The following ABLIM3 variants were observed in gnomAD, a reference collection of about 807,000 sequenced individuals.
ABLIM3 encodes actin binding LIM protein family member 3, also known as actin-binding LIM protein 3.
A neutral mutation model predicts 109.5 loss-of-function variants in ABLIM3; 61 were observed. The observed-to-expected ratio is 0.56, with a 90% CI of 0.45 to 0.69. The LOEUF is 0.69. ABLIM3 is among the 30% of genes least tolerant of loss of function. ABLIM3 has a pLI of 0.00. For synonymous variants in ABLIM3, 300 were observed against 324.8 expected (o/e 0.92, Z 0.82); for missense variants, 796 against 889.5 (o/e 0.89, Z 1.34).
intron 17 of ABLIM3, among the ~76,000 whole-genome samples, chr5:149,247,298 G>A (rs1277107443): frequency 1.3e-5 from 2 of 152,212 alleles, no homozygotes; most frequent in South Asian, 2.1e-4. Context: ...CACGGGGAGA[G>A]GGGAATGGGG....
intron 2 of ABLIM3, among the ~76,000 whole-genome samples, chr5:149,167,048 A>C (rs1754900845): frequency 6.6e-6 from 1 of 152,206 alleles, no homozygotes; most frequent in Admixed American, 6.5e-5. Context: ...AGCATTTACA[A>C]GCAACTTGCT....
rs573196071 is a variant in ABLIM3, at chr5:149,225,241, T to G, written c.758-5408T>G. Reference sequence around the variant, plus strand: ...TTCACAATGTTGTACAACCCCCACCTCTATCTAGTTCCAAATCATTTTCAT... The same window carrying G: ...TTCACAATGTTGTACAACCCCCACCGCTATCTAGTTCCAAATCATTTTCAT... On this transcript the variant is annotated intron_variant, in intron 8 of 23. Coordinates refer to ENST00000309868, the MANE Select transcript of ABLIM3 (RefSeq NM_014945.5). Among the ~76,000 whole-genome samples the G allele has an allele frequency of 2.5e-4, 38 of 151,504 alleles. No individual in the cohort carries two copies. The South Asian group carries it at 8.0e-3, about 32-fold the overall frequency.
intron 1 of ABLIM3, 23 bp from the exon 2 acceptor site, chr5:149,141,986 T>C: frequency 6.7e-7 from 1 of 1,495,712 alleles, no homozygotes; most frequent in Non-Finnish European, 9.3e-7. Flanking sequence ...GAGCTGGCAC[T>C]GGACTGCCTT....
At position 149,258,482 on chromosome 5, in the gene ABLIM3, C is replaced by G. The variant is rs1561646405; in HGVS notation, c.*78C>G. Reference sequence around the variant, plus strand: ...CTCTACTGAAGCTCGGTATAATCCTCTCTTGTGTAATGGGACACACTGCCT... The same window carrying G: ...CTCTACTGAAGCTCGGTATAATCCTGTCTTGTGTAATGGGACACACTGCCT... On this transcript the variant is annotated 3_prime_UTR_variant, in exon 24 of 24. Coordinates refer to ENST00000309868, the MANE Select transcript of ABLIM3 (RefSeq NM_014945.5). 1.3e-6 allele frequency: 2 copies of G among 1,483,090 alleles called. No individual in the cohort carries two copies. The highest frequency in any genetic ancestry group is 2.2e-5 in the Admixed American group (1 of 44,776). 91.9% of individuals were successfully genotyped at this position (1,483,090 alleles called of 1,614,324 possible).
intron 3 of ABLIM3, among the ~76,000 whole-genome samples, chr5:149,184,312 C>T (rs189229608): frequency 1.3e-3 from 199 of 152,302 alleles, no homozygotes; most frequent in Non-Finnish European, 2.4e-3. Context: ...CTTCCCTGCT[C>T]CACAGAGCAG....
intron 3 of ABLIM3, among the ~76,000 whole-genome samples, chr5:149,191,365 C>G (rs1010548726): frequency 2.6e-5 from 4 of 152,010 alleles, no homozygotes; most frequent in African/African-American, 9.7e-5. Context: ...AAATTAAAAC[C>G]TACTCAAGAA....
chr5:149,201,556 C>T (rs1030879017), intron 5 of ABLIM3, among the ~76,000 whole-genome samples: 5 of 152,170 alleles, frequency 3.3e-5, no homozygotes, highest in Non-Finnish European at 5.9e-5. Context: ...GGCTCCCTCC[C>T]TTGCCTGCTC....
At chr5:149,258,247 CTCTT>C (rs1471898740) in intron 23 of ABLIM3, 40 bp from the exon 24 acceptor site, 2 of 1,577,970 alleles carry the variant, frequency 1.3e-6, no homozygotes, top group Non-Finnish European at 1.7e-6. Context: ...TCATGCTGCT[CTCTT>C]TCTCTGTCCC....
chr5:149,247,519 A>C (rs1753496509), intron 17 of ABLIM3: 7 of 642,694 alleles, frequency 1.1e-5, no homozygotes, highest in Non-Finnish European at 1.7e-5. Flanking sequence ...CACTGTGCCA[A>C]GACAATGGGA....
intron 22 of ABLIM3, 24 bp from the exon 23 acceptor site, chr5:149,252,733 G>T: frequency 6.2e-7 from 1 of 1,601,836 alleles, no homozygotes; most frequent in South Asian, 1.1e-5. Context: ...ACCCAAGCTG[G>T]AGACCACCCC....
rs76026364 is a variant in ABLIM3 at position 149,154,658 on chromosome 5, A to G, written c.13+12550A>G. ...TCCCCATGTTATATTTGCTCTCACT[A>G]TTCTTCACAGAGCTTACCATAGTCA... On this transcript the variant is annotated intron_variant, in intron 2 of 23. Transcript: ENST00000309868. 8.9e-3 allele frequency among the ~76,000 whole-genome samples: 1,361 copies of G among 152,316 alleles called. 14 individuals are homozygous for G. Among genetic ancestry groups the G allele is most frequent in the African/African-American group, 0.031 (1,286 of 41,552 alleles).
At chr5:149,241,596 TA>T (rs1017765552) in intron 14 of ABLIM3, among the ~76,000 whole-genome samples, 4 of 152,128 alleles carry the variant, frequency 2.6e-5, no homozygotes, top group African/African-American at 9.7e-5. Flanking sequence ...CTGTCTCTAC[TA>T]AAAATATAAA....
intron 18 of ABLIM3, 142 bp from the exon 19 acceptor site, chr5:149,249,673 C>T: frequency 2.4e-6 from 2 of 846,998 alleles, no homozygotes; most frequent in South Asian, 1.6e-5. Context: ...CTGACCAGTT[C>T]AGGAGGGGCT....
At chr5:149,163,081 T>C (rs759112510) in intron 2 of ABLIM3, among the ~76,000 whole-genome samples, 40 of 152,224 alleles carry the variant, frequency 2.6e-4, no homozygotes, top group Non-Finnish European at 4.7e-4. Context: ...TTGTGGACCA[T>C]GGCCAGGAGT....
At chr5:149,254,903 T>C (rs985053184) in intron 23 of ABLIM3, among the ~76,000 whole-genome samples, 11 of 152,116 alleles carry the variant, frequency 7.2e-5, no homozygotes, top group Non-Finnish European at 1.0e-4. Context: ...TAGAACTTTT[T>C]AAAAGCACCC....
chr5:149,244,785 C>T, intron 15 of ABLIM3, 96 bp from the exon 16 acceptor site: 2 of 1,513,032 alleles, frequency 1.3e-6, no homozygotes, highest in South Asian at 1.2e-5. Flanking sequence ...TGGACTCACT[C>T]CCCTGGGCTG....
chr5:149,254,550 C>T (rs980343200), intron 23 of ABLIM3, among the ~76,000 whole-genome samples: 2 of 152,058 alleles, frequency 1.3e-5, no homozygotes, highest in African/African-American at 4.8e-5. Context: ...GACTTGATGG[C>T]GTGGAATTGG....
intron 23 of ABLIM3, among the ~76,000 whole-genome samples, chr5:149,254,510 C>T (rs1251620324): frequency 6.6e-6 from 1 of 152,128 alleles, no homozygotes; most frequent in Non-Finnish European, 1.5e-5. Flanking sequence ...AGGCTCAGCA[C>T]CCCTCAGGAA....
In ABLIM3 at chr5:149,247,789, G is replaced by A. The variant is rs1281041003; in HGVS notation, c.1559G>A (p.Ser520Asn). The A allele has an allele frequency of 1.2e-6, 2 of 1,614,252 alleles. No homozygotes were observed. Among genetic ancestry groups the A allele is most frequent in the South Asian group, 1.1e-5 (1 of 91,088 alleles). The stretch of plus-strand genomic sequence containing the variant: ...CTCTTCCCCGACCCTCAGCTCCAAA[G>A]TGGAATTGGCCGGCTGATTCTGAAG... ...DFDRSMHKLQ[S>N]GIGRLILKEE... The change falls in exon 18 of 24, where the codon AGT becomes AAT. Residue 520 changes from serine to asparagine, a missense_variant. Coordinates refer to ENST00000309868, the MANE Select transcript of ABLIM3 (RefSeq NM_014945.5).
Sources: allele counts gnomAD v4.1 joint callset (sites outside exome capture counted in the v4.1 genomes callset), GRCh38; gene constraint gnomAD v4.1.1; transcripts MANE v1.5; gene names NCBI Gene and HGNC (gene_info 2026-07-23, HGNC 2026-07-21).